ANKRD36C: variants seen among roughly 807,000 people sequenced by gnomAD.
The protein encoded by ANKRD36C is ankyrin repeat domain-containing protein 36C.
In ANKRD36C, 61 loss-of-function variants were observed where a neutral mutation model predicts 276.4. That is an observed-to-expected ratio of 0.22 (90% CI 0.18 to 0.27). The LOEUF (loss-of-function observed/expected upper bound fraction) is 0.27, where lower values mean the gene tolerates loss of function less well. ANKRD36C is among the 10% of genes least tolerant of loss of function. The pLI is 1.00. For synonymous variants in ANKRD36C, 483 were observed against 680.1 expected (o/e 0.71, Z 4.51); for missense variants, 1,447 against 2,032.3 (o/e 0.71, Z 5.54).
Position 95,891,622 on chromosome 2 carries a change from C to A in ANKRD36C, c.2857+43G>T, listed in dbSNP as rs1676361310. 4.6e-6 allele frequency: 7 copies of A among 1,531,946 alleles called. No homozygotes were observed. The East Asian group carries it at 1.5e-4, about 32-fold the overall frequency. The allele number at this position is 1,531,946 out of a possible 1,614,324, so 94.9% of individuals were successfully genotyped here. ...TTATTCAGGGAAGAGAATTTCTTAT[C>A]TATCTGCACTGAACATGACATTAAA... is the stretch of plus-strand genomic sequence containing the variant. On this transcript the variant is annotated intron_variant, in intron 46 of 66. Transcript: ENST00000456556.
intron 42 of ANKRD36C, among the ~76,000 whole-genome samples, chr2:95,911,279 T>G (rs1469449645): frequency 2.0e-5 from 3 of 151,470 alleles, no homozygotes; most frequent in East Asian, 3.9e-4. Flanking sequence ...AATTATCAAT[T>G]TTGACATATT....
At chr2:95,854,117 T>A (rs1311518041) in intron 63 of ANKRD36C, among the ~76,000 whole-genome samples, 5 of 150,840 alleles carry the variant, frequency 3.3e-5, no homozygotes, top group Non-Finnish European at 7.4e-5. Flanking sequence ...TTGATGAATC[T>A]GCAATGCTTA....
At chr2:95,855,571 T>G in exon 63 of ANKRD36C, 2 of 1,611,164 alleles carry the variant, frequency 1.2e-6, no homozygotes, top group Non-Finnish European at 1.7e-6. Context: ...TTGTACATTT[T>G]TTCAATGTCC....
exon 63 of ANKRD36C, chr2:95,855,326 A>G (rs1675383973): frequency 2.5e-6 from 4 of 1,609,654 alleles, no homozygotes; most frequent in South Asian, 1.1e-5. Context: ...GATTCAATTC[A>G]TTCACCAACA....
At chr2:95,913,438 A>G (rs1367371160) in intron 40 of ANKRD36C, among the ~76,000 whole-genome samples, 2 of 151,446 alleles carry the variant, frequency 1.3e-5, no homozygotes, top group Non-Finnish European at 3.0e-5. Flanking sequence ...TGTATCTCTG[A>G]TGCCTCCTAG....
At chr2:95,864,140 T>C (rs1341044744) in intron 60 of ANKRD36C, among the ~76,000 whole-genome samples, 1 of 151,632 alleles carries the variant, frequency 6.6e-6, no homozygotes, top group Admixed American at 6.6e-5. Flanking sequence ...GGTCTAAAAA[T>C]AAAAGTCTTT....
intron 59 of ANKRD36C, among the ~76,000 whole-genome samples, chr2:95,873,245 G>A (rs2104301655): frequency 6.6e-6 from 1 of 152,256 alleles, no homozygotes; most frequent in African/African-American, 2.4e-5. Flanking sequence ...TATCCTTAAT[G>A]AACATTGATG....
chr2:95,902,856 A>C, intron 42 of ANKRD36C, 30 bp downstream of exon 54: 1 of 1,542,884 alleles, frequency 6.5e-7, no homozygotes, highest in African/African-American at 1.4e-5. Flanking sequence ...TCTGGACTGA[A>C]CATGACATTA....
chr2:95,895,878 G>C (rs1158729818), intron 44 of ANKRD36C, among the ~76,000 whole-genome samples: 5 of 151,064 alleles, frequency 3.3e-5, no homozygotes, highest in Admixed American at 6.6e-5. Flanking sequence ...TGAGCGATGA[G>C]GACAAATGTG....
At chr2:95,925,599 G>A (rs183901963) in intron 28 of ANKRD36C, 52 bp from the exon 29 acceptor site, 232 of 1,490,578 alleles carry the variant, frequency 1.6e-4, no homozygotes, top group Middle Eastern at 2.4e-4. Flanking sequence ...TGATAAAGTC[G>A]TCCACACATT....
At chr2:95,965,215 C>T (rs1210752001) in intron 6 of ANKRD36C, among the ~76,000 whole-genome samples, 3 of 151,536 alleles carry the variant, frequency 2.0e-5, no homozygotes, top group Non-Finnish European at 2.9e-5. Flanking sequence ...AGAAAAAATA[C>T]ACACACACAC....
rs895319146 is a variant in ANKRD36C, at chr2:95,973,374, C to T, written c.799+4748G>A. On this transcript the variant is annotated intron_variant, in intron 6 of 66. Coordinates refer to ENST00000456556, the Ensembl canonical transcript of ANKRD36C. ...TTGCAGTGAGCCAAGATTGTGCCAC[C>T]GCACTCCAGCCTGGGCAACAGAGCG... Among the ~76,000 whole-genome samples the T allele has an allele frequency of 2.7e-4, 40 of 150,312 alleles. 2 individuals carry two copies. The East Asian group carries it at 4.1e-3, about 16-fold the overall frequency.
intron 6 of ANKRD36C, among the ~76,000 whole-genome samples, chr2:95,964,364 C>A (rs1440634700): frequency 1.3e-5 from 2 of 151,758 alleles, no homozygotes; most frequent in African/African-American, 4.8e-5. Flanking sequence ...TCATCAGAAA[C>A]CTCCAAATTA....
At chr2:95,977,201 A>G (rs1678828962) in intron 6 of ANKRD36C, among the ~76,000 whole-genome samples, 1 of 152,092 alleles carries the variant, frequency 6.6e-6, no homozygotes, top group African/African-American at 2.4e-5. Flanking sequence ...GCCAGTACAC[A>G]ACCTGGAAAC....
chr2:95,878,901 A>G (rs1261451236), intron 58 of ANKRD36C, among the ~76,000 whole-genome samples: 1 of 152,142 alleles, frequency 6.6e-6, no homozygotes, highest in Non-Finnish European at 1.5e-5. Context: ...AACAGTATAG[A>G]GTCCTCAAAA....
intron 46 of ANKRD36C, among the ~76,000 whole-genome samples, chr2:95,890,538 T>C (rs1282246572): frequency 6.6e-6 from 1 of 151,588 alleles, no homozygotes; most frequent in Non-Finnish European, 1.5e-5. Flanking sequence ...TGCTTGCTGA[T>C]ACCTAGTAGA....
chr2:95,914,363 A>G (rs756257046), intron 38 of ANKRD36C, 60 bp from the exon 41 acceptor site: 1 of 1,525,650 alleles, frequency 6.6e-7, no homozygotes, highest in Admixed American at 2.0e-5. Context: ...TTATCCATAC[A>G]TTCATGCAGT....
intron 17 of ANKRD36C, among the ~76,000 whole-genome samples, chr2:95,947,317 C>T (rs1051387849): frequency 4.0e-5 from 6 of 151,554 alleles, no homozygotes; most frequent in East Asian, 1.9e-4. Context: ...ACATTCAAGA[C>T]ATTTAATAGA....
chr2:95,879,624 C>CAGGCACAG, intron 58 of ANKRD36C, among the ~76,000 whole-genome samples: 1 of 152,138 alleles, frequency 6.6e-6, no homozygotes. Context: ...GAAACACACA[C>CAGGCACAG]AGTGTGCTAA....
Sources: gnomAD v4.1 joint callset for allele counts (sites outside exome capture counted in the v4.1 genomes callset) on GRCh38, gnomAD v4.1.1 for gene constraint, MANE v1.5 for transcripts, NCBI Gene and HGNC (gene_info 2026-07-23, HGNC 2026-07-21) for gene names.